Variants in THSD4 observed in about 807,000 individuals in gnomAD.
THSD4 encodes the protein thrombospondin type 1 domain containing 4.
Under a neutral mutation model 119.0 loss-of-function variants are expected in THSD4, and 69 were observed. That is an observed-to-expected ratio of 0.58 (90% CI 0.48 to 0.71). THSD4 has a LOEUF of 0.71. Ranked by LOEUF, THSD4 falls within the 30% of genes least tolerant of loss-of-function variation. The pLI, the probability that THSD4 is intolerant of heterozygous loss-of-function variation, is 0.00. For missense variants in THSD4, 1,393 were observed against 1,391.1 expected (o/e 1.00, Z -0.02); for synonymous variants, 524 against 540.4 (o/e 0.97, Z 0.42).
In THSD4 at chr15:71,779,120, T is replaced by C. The variant is rs558601439; in HGVS notation, c.*1746T>C. The C allele has an allele frequency of 6.6e-6, 1 of 152,230 alleles. No homozygotes were observed. The highest frequency in any genetic ancestry group is 1.5e-5 in the Non-Finnish European group (1 of 68,044). 9.4% of individuals were successfully genotyped at this position (152,230 alleles called of 1,614,324 possible). A position where few individuals can be genotyped will look rare whatever the true frequency, so the allele number is the denominator to read the frequency against. On this transcript the variant is annotated 3_prime_UTR_variant, in exon 18 of 18. Transcript: ENST00000261862. The stretch of plus-strand genomic sequence containing the variant: ...CATGCTCTTTAGGCTTCCACTAACC[T>C]GGGGCTTTCAGAAATTCTATTTGGC...
chr15:71,637,870 C>T (rs2050778046), intron 7 of THSD4, among the ~76,000 whole-genome samples: 1 of 151,858 alleles, frequency 6.6e-6, no homozygotes, highest in African/African-American at 2.4e-5. Flanking sequence ...GGATTACAGG[C>T]ACCCGCCACC....
intron 7 of THSD4, among the ~76,000 whole-genome samples, chr15:71,610,067 AT>A (rs1442325457): frequency 6.6e-6 from 1 of 152,202 alleles, no homozygotes; most frequent in African/African-American, 2.4e-5. Context: ...AGAGATTTAA[AT>A]AAACTGTTTC....
intron 7 of THSD4, among the ~76,000 whole-genome samples, chr15:71,551,799 GC>G (rs1295581674): frequency 1.3e-5 from 2 of 152,164 alleles, no homozygotes; most frequent in Admixed American, 6.5e-5. Flanking sequence ...CACACCCTCT[GC>G]CTGCCAGCTA....
At chr15:71,133,304 G>A (rs2040520320) in intron 1 of THSD4, among the ~76,000 whole-genome samples, 1 of 152,208 alleles carries the variant, frequency 6.6e-6, no homozygotes, top group Admixed American at 6.5e-5. Context: ...GAAGAATGGA[G>A]TGGCTGTTTG....
At chr15:71,333,163 A>G (rs904162568) in intron 6 of THSD4, among the ~76,000 whole-genome samples, 2 of 151,834 alleles carry the variant, frequency 1.3e-5, no homozygotes, top group African/African-American at 4.8e-5. Flanking sequence ...ATAAAGAGCC[A>G]CTTGTGGCTA....
chr15:71,745,170 C>T lies in THSD4; in HGVS notation c.1971C>T (p.Tyr657=), dbSNP rs2053311146. The T allele has an allele frequency of 1.9e-6, 3 of 1,612,896 alleles. No individual in the cohort carries two copies. Among genetic ancestry groups the T allele is most frequent in the South Asian group, 1.1e-5 (1 of 91,018 alleles). Residue 657 remains tyrosine, a synonymous_variant, in exon 12 of 18, where the codon TAC becomes TAT. Coordinates refer to ENST00000261862, the MANE Select transcript of THSD4 (RefSeq NM_024817.3). ...CTCATGAAGAGGCTCCTGAGAGTTA[C>T]TGTGACTCCAGCATGAAGCCGACCC... The part of the protein sequence containing the change: ...RSTHEEAPES[Y]CDSSMKPTPE...
At chr15:71,680,816 G>A (rs2141029635) in intron 8 of THSD4, among the ~76,000 whole-genome samples, 1 of 152,230 alleles carries the variant, frequency 6.6e-6, no homozygotes, top group South Asian at 2.1e-4. Context: ...TATCTCATAG[G>A]GTTATTGGGA....
chr15:71,611,237 G>A (rs1376847118), intron 7 of THSD4, among the ~76,000 whole-genome samples: 3 of 152,234 alleles, frequency 2.0e-5, no homozygotes, highest in African/African-American at 7.2e-5. Context: ...TTTCCCTTGT[G>A]TATCCTCTGC....
chr15:71,356,710 AG>A (rs2045817124), intron 6 of THSD4, among the ~76,000 whole-genome samples: 1 of 152,146 alleles, frequency 6.6e-6, no homozygotes, highest in Non-Finnish European at 1.5e-5. Flanking sequence ...GGGCTCATGC[AG>A]GGTGCTGCCC....
rs528171435 is a variant in THSD4, at chr15:71,373,141, A to G, written c.1016-38546A>G. Among the ~76,000 whole-genome samples the G allele has an allele frequency of 9.1e-4, 139 of 152,372 alleles. 4 individuals are homozygous for G. In the South Asian group the frequency reaches 0.027, roughly 29 times the overall value. ...GAAACAGTTTATCTAAATAGTTCAT[A>G]ATTTCAGTCTTAACTGCCTCTTTAA... is the stretch of plus-strand genomic sequence containing the variant. On this transcript the variant is annotated intron_variant, in intron 6 of 17. Coordinates refer to ENST00000261862, the MANE Select transcript of THSD4 (RefSeq NM_024817.3).
At chr15:71,378,782 T>C (rs756263879) in intron 6 of THSD4, among the ~76,000 whole-genome samples, 1 of 152,186 alleles carries the variant, frequency 6.6e-6, no homozygotes, top group Admixed American at 6.5e-5. Context: ...GTTGTCATTA[T>C]TGTTTTTTGT....
chr15:71,203,731 G>A (rs2043821557), intron 3 of THSD4, among the ~76,000 whole-genome samples: 1 of 152,172 alleles, frequency 6.6e-6, no homozygotes, highest in South Asian at 2.1e-4. Flanking sequence ...GGGAATCCAG[G>A]TAAGGTCAAA....
intron 7 of THSD4, among the ~76,000 whole-genome samples, chr15:71,523,879 G>C (rs2048477923): frequency 6.7e-6 from 1 of 149,410 alleles, no homozygotes; most frequent in Non-Finnish European, 1.5e-5. Context: ...ATTGTGTGAG[G>C]GGAAAATGGT....
At chr15:71,716,484 C>T (rs4776572) in intron 8 of THSD4, among the ~76,000 whole-genome samples, 112,987 of 151,856 alleles carry the variant, frequency 0.74, 45,881 homozygotes, top group South Asian at 0.93. Flanking sequence ...TGTAGTACTA[C>T]GCTAGAATCG....
In THSD4 at chr15:71,243,064, G is replaced by A. The variant is rs775655658; in HGVS notation, c.880G>A (p.Ala294Thr). The A allele has an allele frequency of 2.5e-6, 4 of 1,614,040 alleles. No individual in the cohort carries two copies. The highest frequency in any genetic ancestry group is 3.4e-6 in the Non-Finnish European group (4 of 1,179,972). Reference protein sequence around the residue: ...ARSTAISCIGAYRQYKLCNTN... With the variant: ...ARSTAISCIGTYRQYKLCNTN... ...ATCTACAGCAATCTCATGCATCGGG[G>A]CCTATCGGCAGTACAAGCTGTGCAA... The change falls in exon 5 of 18, where the codon GCC becomes ACC. Residue 294 changes from alanine (A) to threonine (T), a missense_variant. By Grantham distance (58) the Ala-to-Thr change is moderately conservative. Transcript: ENST00000261862.
intron 5 of THSD4, among the ~76,000 whole-genome samples, chr15:71,254,382 C>G (rs1391027392): frequency 6.6e-6 from 1 of 152,192 alleles, no homozygotes; most frequent in Non-Finnish European, 1.5e-5. Context: ...TGCTCTAGCA[C>G]TCTGTGATTC....
intron 8 of THSD4, among the ~76,000 whole-genome samples, chr15:71,710,101 GA>G (rs956057434): frequency 3.9e-5 from 6 of 152,114 alleles, no homozygotes; most frequent in African/African-American, 1.2e-4. Context: ...TTCCCATCCT[GA>G]GGGGGCTGAG....
chr15:71,513,164 A>G (rs1219183239), intron 7 of THSD4, among the ~76,000 whole-genome samples: 1 of 152,234 alleles, frequency 6.6e-6, no homozygotes, highest in Non-Finnish European at 1.5e-5. Flanking sequence ...AGATGGCGTG[A>G]GCCGAGAGCT....
chr15:71,152,839 A>T (rs2040737690), intron 2 of THSD4, among the ~76,000 whole-genome samples: 1 of 152,126 alleles, frequency 6.6e-6, no homozygotes, highest in South Asian at 2.1e-4. Flanking sequence ...TGACTCCTTA[A>T]GATCCACCTC....
Sources: allele counts gnomAD v4.1 joint callset (sites outside exome capture counted in the v4.1 genomes callset), GRCh38; gene constraint gnomAD v4.1.1; transcripts MANE v1.5; gene names NCBI Gene and HGNC (gene_info 2026-07-23, HGNC 2026-07-21).